SLC14A2: variants seen among roughly 807,000 people sequenced by gnomAD.
The protein encoded by SLC14A2 is solute carrier family 14 member 2.
Under a neutral mutation model 104.6 loss-of-function variants are expected in SLC14A2, and 91 were observed. The observed-to-expected ratio is 0.87, with a 90% CI of 0.73 to 1.04. The LOEUF is 1.04. Among genes scored for constraint, SLC14A2 ranks in the 50% least tolerant of loss-of-function variants. The pLI, the probability that SLC14A2 is intolerant of heterozygous loss-of-function variation, is 0.00. For synonymous variants in SLC14A2, 476 were observed against 466.4 expected, an observed-to-expected ratio of 1.02 and a Z score of -0.27; for missense variants, 1,189 against 1,156.0, an observed-to-expected ratio of 1.03 and a Z score of -0.41.
At chr18:45,574,387 G>T (rs898262083) in intron 2 of SLC14A2, among the ~76,000 whole-genome samples, 1 of 152,134 alleles carries the variant, frequency 6.6e-6, no homozygotes, top group African/African-American at 2.4e-5. Context: ...GGTCTTCAGG[G>T]TTCTTCCTAT....
chr18:45,638,082 C>T (rs770410717), intron 6 of SLC14A2, among the ~76,000 whole-genome samples: 10 of 152,148 alleles, frequency 6.6e-5, no homozygotes, highest in Admixed American at 1.3e-4. Context: ...TTAAAATCTG[C>T]GTTCCCGGAT....
intron 1 of SLC14A2, among the ~76,000 whole-genome samples, chr18:45,372,986 C>T (rs944328542): frequency 6.6e-6 from 1 of 152,154 alleles, no homozygotes. Context: ...GGACCAGTCA[C>T]ATTTCGAATG....
intron 1 of SLC14A2, among the ~76,000 whole-genome samples, chr18:45,282,311 T>G (rs1393994697): frequency 6.6e-6 from 1 of 152,104 alleles, no homozygotes. Context: ...AGTCATAGGG[T>G]GCTCAAGAGC....
chr18:45,423,774 A>G (rs897532561), intron 1 of SLC14A2: 2 of 152,252 alleles, frequency 1.3e-5, no homozygotes, highest in African/African-American at 4.8e-5. Context: ...TGATGACATA[A>G]CTTGATATTT....
intron 2 of SLC14A2, among the ~76,000 whole-genome samples, chr18:45,510,699 G>A (rs1469675075): frequency 6.6e-6 from 1 of 151,594 alleles, no homozygotes; most frequent in Admixed American, 6.6e-5. Flanking sequence ...GATGCCCAAA[G>A]CCCCTCTCAG....
chr18:45,301,403 T>C (rs1273399615), intron 1 of SLC14A2, among the ~76,000 whole-genome samples: 2 of 152,126 alleles, frequency 1.3e-5, no homozygotes, highest in Non-Finnish European at 2.9e-5. Context: ...AACTTAGACT[T>C]TCAGAGGCAG....
intron 1 of SLC14A2, among the ~76,000 whole-genome samples, chr18:45,231,636 A>G (rs1201512577): frequency 6.6e-6 from 1 of 152,238 alleles, no homozygotes; most frequent in African/African-American, 2.4e-5. Flanking sequence ...ATTATGCCCA[A>G]TTCATTGTCT....
chr18:45,522,577 C>T (rs1313603042), intron 2 of SLC14A2, among the ~76,000 whole-genome samples: 1 of 152,110 alleles, frequency 6.6e-6, no homozygotes, highest in Admixed American at 6.5e-5. Flanking sequence ...TGACAGTTCT[C>T]GGGAAACAGG....
intron 1 of SLC14A2, among the ~76,000 whole-genome samples, chr18:45,298,581 T>A (rs1473962468): frequency 3.3e-5 from 5 of 152,228 alleles, no homozygotes; most frequent in African/African-American, 1.2e-4. Context: ...TGCCTCCTGT[T>A]TAGATTAGTA....
chr18:45,217,537 G>A (rs1004446984), intron 1 of SLC14A2, among the ~76,000 whole-genome samples: 4 of 152,016 alleles, frequency 2.6e-5, no homozygotes, highest in South Asian at 2.1e-4. Context: ...AGAAGAAGAG[G>A]GAAAGGGTTC....
intron 1 of SLC14A2, among the ~76,000 whole-genome samples, chr18:45,240,813 A>G (rs2144049214): frequency 6.6e-6 from 1 of 151,742 alleles, no homozygotes; most frequent in East Asian, 2.0e-4. Context: ...GCCCGCCACT[A>G]TGCCCGGCTC....
exon 2 of SLC14A2, chr18:45,483,255 G>A (rs2087531611): frequency 6.6e-6 from 1 of 152,082 alleles, no homozygotes; most frequent in Non-Finnish European, 1.5e-5. Context: ...CTTACTACTT[G>A]TGGTCAACTA....
At chr18:45,342,339 G>T (rs2144285961) in intron 1 of SLC14A2, among the ~76,000 whole-genome samples, 1 of 152,312 alleles carries the variant, frequency 6.6e-6, no homozygotes, top group South Asian at 2.1e-4. Context: ...CAGATAAGAA[G>T]AAGGGAAGTA....
chr18:45,580,996 G>A (rs2044482859), intron 2 of SLC14A2, among the ~76,000 whole-genome samples: 1 of 152,152 alleles, frequency 6.6e-6, no homozygotes, highest in African/African-American at 2.4e-5. Flanking sequence ...CAGCTGGAAG[G>A]AAGAAAGGCC....
chr18:45,279,794 C>T (rs1292657725), intron 1 of SLC14A2, among the ~76,000 whole-genome samples: 1 of 152,102 alleles, frequency 6.6e-6, no homozygotes, highest in Non-Finnish European at 1.5e-5. Flanking sequence ...ATAAAAAACA[C>T]AAAGCGACCC....
intron 2 of SLC14A2, among the ~76,000 whole-genome samples, chr18:45,568,648 T>A (rs1322682523): frequency 6.6e-6 from 1 of 152,230 alleles, no homozygotes; most frequent in African/African-American, 2.4e-5. Context: ...AGAAGGCAGC[T>A]CCTTTGTCAC....
rs2044179586 is a variant in SLC14A2, at chr18:45,559,864, A to G, written c.-34-64767A>G. Among the ~76,000 whole-genome samples the G allele has an allele frequency of 2.0e-5, 3 of 152,310 alleles. No homozygotes were observed. The South Asian group carries it at 6.2e-4, about 32-fold the overall frequency. ...GCCAGAACCCACAGGATCCACCATT[A>G]GCTGAAAGTACCAGGTTTCAGCCCA... On this transcript the variant is annotated intron_variant, in intron 2 of 20. Coordinates refer to the SLC14A2 transcript ENST00000586448.
At chr18:45,304,874 G>T (rs548650899) in intron 1 of SLC14A2, among the ~76,000 whole-genome samples, 2 of 152,348 alleles carry the variant, frequency 1.3e-5, no homozygotes, top group East Asian at 3.9e-4. Flanking sequence ...CTGTTTCATT[G>T]AGGAATGAGG....
intron 1 of SLC14A2, among the ~76,000 whole-genome samples, chr18:45,436,451 T>A (rs1254776169): frequency 6.6e-6 from 1 of 152,198 alleles, no homozygotes; most frequent in East Asian, 1.9e-4. Flanking sequence ...CCAAGAACAC[T>A]GCAGGTCAAT....
Sources: gnomAD v4.1 joint callset for allele counts (sites outside exome capture counted in the v4.1 genomes callset) on GRCh38, gnomAD v4.1.1 for gene constraint, MANE v1.5 for transcripts, NCBI Gene and HGNC (gene_info 2026-07-23, HGNC 2026-07-21) for gene names.